The following PTPRM variants were observed in gnomAD, a reference collection of about 807,000 sequenced individuals.
PTPRM encodes protein tyrosine phosphatase receptor type M.
Under a neutral mutation model 186.7 loss-of-function variants are expected in PTPRM, and 47 were observed. That is an observed-to-expected ratio of 0.25 (90% CI 0.20 to 0.32). The LOEUF (loss-of-function observed/expected upper bound fraction) is 0.32, where lower values mean the gene tolerates loss of function less well. Ranked by LOEUF, PTPRM falls within the 10% of genes least tolerant of loss-of-function variation. The pLI, the probability that PTPRM is intolerant of heterozygous loss-of-function variation, is 1.00. For missense variants in PTPRM, 1,494 were observed against 1,865.0 expected, an observed-to-expected ratio of 0.80 and a Z score of 3.66; for synonymous variants, 668 against 674.9, an observed-to-expected ratio of 0.99 and a Z score of 0.16.
At chr18:7,677,511 C>T (rs1282613078) in intron 1 of PTPRM, among the ~76,000 whole-genome samples, 1 of 152,152 alleles carries the variant, frequency 6.6e-6, no homozygotes, top group African/African-American at 2.4e-5. Context: ...AGACCACCTT[C>T]CTTAGAAGGC....
At chr18:7,818,062 C>G (rs908020642) in intron 2 of PTPRM, among the ~76,000 whole-genome samples, 1 of 152,200 alleles carries the variant, frequency 6.6e-6, no homozygotes, top group African/African-American at 2.4e-5. Context: ...TTCCCTCCTC[C>G]AGGGCAAAAT....
At chr18:7,906,708 G>C in intron 4 of PTPRM, 125 bp downstream of exon 4, 1 of 741,310 alleles carries the variant, frequency 1.3e-6, no homozygotes, top group Non-Finnish European at 2.3e-6. Flanking sequence ...TGACAGGCCT[G>C]TATTGTTGGT....
intron 22 of PTPRM, among the ~76,000 whole-genome samples, chr18:8,338,005 G>A (rs868078085): frequency 2.6e-5 from 4 of 152,300 alleles, no homozygotes; most frequent in Middle Eastern, 6.8e-3. Context: ...TTCAGGGGAG[G>A]CCCCATGTGG....
chr18:7,593,421 C>A (rs1219088278), intron 1 of PTPRM, among the ~76,000 whole-genome samples: 1 of 152,196 alleles, frequency 6.6e-6, no homozygotes, highest in African/African-American at 2.4e-5. Flanking sequence ...GCCAGATTTG[C>A]ATCCCACATA....
intron 2 of PTPRM, among the ~76,000 whole-genome samples, chr18:7,859,241 A>G (rs1228724309): frequency 6.6e-6 from 1 of 152,146 alleles, no homozygotes; most frequent in Non-Finnish European, 1.5e-5. Context: ...ATATTAATGT[A>G]TATGTTGTGC....
chr18:7,776,663 A>T (rs1380702093), intron 2 of PTPRM, among the ~76,000 whole-genome samples: 1 of 152,214 alleles, frequency 6.6e-6, no homozygotes, highest in Non-Finnish European at 1.5e-5. Flanking sequence ...ACTTGGGGAA[A>T]AAAAGTTACA....
intron 2 of PTPRM, among the ~76,000 whole-genome samples, chr18:7,865,465 G>T (rs1182002285): frequency 6.6e-6 from 1 of 152,098 alleles, no homozygotes; most frequent in African/African-American, 2.4e-5. Context: ...GTCATTGGTT[G>T]TGTTTATGTT....
intron 1 of PTPRM, among the ~76,000 whole-genome samples, chr18:7,624,190 C>G (rs557436628): frequency 6.6e-6 from 1 of 152,252 alleles, no homozygotes; most frequent in African/African-American, 2.4e-5. Context: ...TGAGTGGGAC[C>G]TTAACTCCCA....
intron 14 of PTPRM, among the ~76,000 whole-genome samples, chr18:8,178,664 G>A (rs12185456): frequency 0.041 from 6,303 of 152,104 alleles, 191 homozygotes; most frequent in Middle Eastern, 0.071. Flanking sequence ...GTATGTGCCT[G>A]TAATCCCAGC....
At chr18:8,137,178 C>T (rs764181216) in intron 13 of PTPRM, among the ~76,000 whole-genome samples, 2 of 152,218 alleles carry the variant, frequency 1.3e-5, no homozygotes, top group Non-Finnish European at 2.9e-5. Flanking sequence ...TTCTTTTCAG[C>T]AGTTCCCATT....
At chr18:7,729,438 G>A (rs2040612484) in intron 1 of PTPRM, among the ~76,000 whole-genome samples, 2 of 152,020 alleles carry the variant, frequency 1.3e-5, no homozygotes, top group African/African-American at 4.8e-5. Flanking sequence ...GTCTTTGAGT[G>A]TTATATTATC....
chr18:8,357,135 G>A (rs975874461), intron 23 of PTPRM, among the ~76,000 whole-genome samples: 9 of 152,188 alleles, frequency 5.9e-5, no homozygotes, highest in African/African-American at 2.2e-4. Flanking sequence ...AAAACATGAG[G>A]ACTGTCACTC....
intron 2 of PTPRM, among the ~76,000 whole-genome samples, chr18:7,831,421 T>A (rs2045755141): frequency 6.6e-6 from 1 of 152,200 alleles, no homozygotes; most frequent in Admixed American, 6.5e-5. Flanking sequence ...GCAAATCTTC[T>A]GAAGAAAATC....
intron 4 of PTPRM, among the ~76,000 whole-genome samples, chr18:7,911,075 A>C (rs546206228): frequency 6.6e-6 from 1 of 152,174 alleles, no homozygotes; most frequent in Non-Finnish European, 1.5e-5. Flanking sequence ...GCGTGTTTCA[A>C]AGTTCATCCA....
At chr18:8,181,297 T>C (rs2093570894) in intron 14 of PTPRM, among the ~76,000 whole-genome samples, 1 of 152,204 alleles carries the variant, frequency 6.6e-6, no homozygotes, top group South Asian at 2.1e-4. Context: ...TTTTGGGTAA[T>C]GTTGGTTAAA....
At chr18:8,395,768 A>G (rs1264858220) in intron 32 of PTPRM, among the ~76,000 whole-genome samples, 2 of 152,128 alleles carry the variant, frequency 1.3e-5, no homozygotes, top group Non-Finnish European at 2.9e-5. Flanking sequence ...CGGGGAGCCC[A>G]TGGAAACCCA....
At chr18:7,626,891 AG>A (rs2038075165) in intron 1 of PTPRM, among the ~76,000 whole-genome samples, 1 of 152,098 alleles carries the variant, frequency 6.6e-6, no homozygotes, top group Non-Finnish European at 1.5e-5. Context: ...TGTAGACACA[AG>A]GTCTCGCTCT....
At chr18:8,002,172 C>T (rs1165748613) in intron 7 of PTPRM, among the ~76,000 whole-genome samples, 4 of 152,092 alleles carry the variant, frequency 2.6e-5, no homozygotes, top group African/African-American at 9.7e-5. Context: ...GAAAGAGTGC[C>T]TAATAGACAT....
intron 1 of PTPRM, among the ~76,000 whole-genome samples, chr18:7,737,938 G>T (rs955506302): frequency 2.6e-5 from 4 of 152,120 alleles, no homozygotes; most frequent in Non-Finnish European, 5.9e-5. Context: ...TTTGATTAAT[G>T]AATATAACAT....
Sources: gnomAD v4.1 joint callset for allele counts (sites outside exome capture counted in the v4.1 genomes callset) on GRCh38, gnomAD v4.1.1 for gene constraint, MANE v1.5 for transcripts, NCBI Gene and HGNC (gene_info 2026-07-23, HGNC 2026-07-21) for gene names.